The following GRM8 variants were observed in gnomAD, a reference collection of about 807,000 sequenced individuals.
GRM8 encodes glutamate metabotropic receptor 8.
In GRM8, 47 loss-of-function variants were observed where a neutral mutation model predicts 87.2. The ratio of observed to expected loss-of-function variants is 0.54; its 90% CI spans 0.43 to 0.69. The LOEUF (loss-of-function observed/expected upper bound fraction) is 0.69, where lower values mean the gene tolerates loss of function less well. Among genes scored for constraint, GRM8 ranks in the 30% least tolerant of loss-of-function variants. The pLI is 0.00. For synonymous variants in GRM8, 396 were observed against 404.5 expected (o/e 0.98, Z 0.25); for missense variants, 1,019 against 1,139.2 (o/e 0.89, Z 1.52).
chr7:126,909,185 A>C (rs1451175645), intron 3 of GRM8, among the ~76,000 whole-genome samples: 1 of 152,246 alleles, frequency 6.6e-6, no homozygotes, highest in Non-Finnish European at 1.5e-5. Context: ...GATACACCAC[A>C]GTTCAGTCAT....
chr7:126,522,668 T>C (rs1431426508), intron 9 of GRM8, among the ~76,000 whole-genome samples: 1 of 152,234 alleles, frequency 6.6e-6, no homozygotes, highest in Non-Finnish European at 1.5e-5. Flanking sequence ...AATGCCCAAC[T>C]TTCCCTTCTC....
At chr7:126,732,144 CAT>C (rs1813675694) in intron 7 of GRM8, among the ~76,000 whole-genome samples, 1 of 151,970 alleles carries the variant, frequency 6.6e-6, no homozygotes, top group African/African-American at 2.4e-5. Flanking sequence ...CCAGAACAAA[CAT>C]TATCATAATA....
chr7:126,855,810 A>G (rs1280342890), intron 6 of GRM8, among the ~76,000 whole-genome samples: 1 of 152,006 alleles, frequency 6.6e-6, no homozygotes. Context: ...CTTCCTTCCC[A>G]TGGAGAAAAT....
At chr7:126,603,776 G>A (rs990247150) in intron 8 of GRM8, among the ~76,000 whole-genome samples, 1 of 151,960 alleles carries the variant, frequency 6.6e-6, no homozygotes. Flanking sequence ...TGTATCATAG[G>A]AAAGAGCATT....
At chr7:126,683,028 G>A (rs560731333) in intron 7 of GRM8, among the ~76,000 whole-genome samples, 28 of 152,092 alleles carry the variant, frequency 1.8e-4, no homozygotes, top group East Asian at 5.8e-4. Flanking sequence ...CAGCCTGGGC[G>A]ACAGAGCAAG....
intron 3 of GRM8, chr7:127,090,879 C>G (rs1823994654): frequency 6.6e-6 from 1 of 152,320 alleles, no homozygotes; most frequent in Non-Finnish European, 1.5e-5. Context: ...CTACCTACTT[C>G]CTGATGTCCT....
intron 7 of GRM8, among the ~76,000 whole-genome samples, chr7:126,746,607 T>C (rs1165516706): frequency 6.6e-6 from 1 of 151,658 alleles, no homozygotes; most frequent in Non-Finnish European, 1.5e-5. Context: ...GAACATCAAA[T>C]TCCCTGGTTT....
chr7:127,122,359 T>C (rs984315853), intron 2 of GRM8, among the ~76,000 whole-genome samples: 2 of 152,158 alleles, frequency 1.3e-5, no homozygotes, highest in East Asian at 3.9e-4. Flanking sequence ...CTTAGATATA[T>C]GAAGACATTT....
At chr7:127,165,937 GCAACATGATC>G (rs1282458779) in intron 2 of GRM8, among the ~76,000 whole-genome samples, 1 of 152,150 alleles carries the variant, frequency 6.6e-6, no homozygotes, top group Non-Finnish European at 1.5e-5. Flanking sequence ...GAGAGTTGAA[GCAACATGATC>G]CAAGAGCTCT....
At chr7:126,748,602 G>GTTTTT (rs35336284) in intron 7 of GRM8, among the ~76,000 whole-genome samples, 3 of 118,774 alleles carry the variant, frequency 2.5e-5, no homozygotes, top group Admixed American at 8.8e-5. Flanking sequence ...AGCAGGTCGG[G>GTTTTT]TTTTTTTTTT....
At chr7:126,687,951 A>G (rs1808360448) in intron 7 of GRM8, among the ~76,000 whole-genome samples, 1 of 152,010 alleles carries the variant, frequency 6.6e-6, no homozygotes, top group Non-Finnish European at 1.5e-5. Flanking sequence ...TCAAATCACA[A>G]GCTCATTTTT....
At chr7:126,473,061 C>T (rs1805483359) in intron 9 of GRM8, among the ~76,000 whole-genome samples, 2 of 152,150 alleles carry the variant, frequency 1.3e-5, no homozygotes, top group African/African-American at 4.8e-5. Context: ...TCTGCTAAGG[C>T]AGTATGGAAG....
chr7:126,756,808 C>T (rs992672920), intron 7 of GRM8, among the ~76,000 whole-genome samples: 1 of 151,996 alleles, frequency 6.6e-6, no homozygotes, highest in Non-Finnish European at 1.5e-5. Flanking sequence ...AGAGAATGAA[C>T]CTCAACATAG....
At chr7:126,879,960 A>G (rs1163292722) in intron 6 of GRM8, among the ~76,000 whole-genome samples, 1 of 152,194 alleles carries the variant, frequency 6.6e-6, no homozygotes. Flanking sequence ...TTTAACAGAA[A>G]AACTGAAAAG....
At chr7:126,587,819 A>G (rs975109874) in intron 8 of GRM8, among the ~76,000 whole-genome samples, 5 of 152,156 alleles carry the variant, frequency 3.3e-5, no homozygotes, top group African/African-American at 9.6e-5. Context: ...AACTTAAAGT[A>G]TCATAAAAAA....
chr7:127,028,599 A>G (rs1270034914), intron 3 of GRM8, among the ~76,000 whole-genome samples: 1 of 152,156 alleles, frequency 6.6e-6, no homozygotes, highest in African/African-American at 2.4e-5. Flanking sequence ...GATTTCTTCT[A>G]GATTTTCTAG....
intron 9 of GRM8, among the ~76,000 whole-genome samples, chr7:126,463,295 C>T (rs1208512714): frequency 6.6e-6 from 1 of 151,528 alleles, no homozygotes; most frequent in Non-Finnish European, 1.5e-5. Context: ...AAATTGTATA[C>T]TCAGTGCATA....
At chr7:126,450,173 G>A (rs193112669) in intron 9 of GRM8, among the ~76,000 whole-genome samples, 7 of 151,920 alleles carry the variant, frequency 4.6e-5, no homozygotes, top group African/African-American at 1.2e-4. Flanking sequence ...GGAAGAGTGA[G>A]GAGGGAGGAG....
chr7:126,899,763 A>G (rs1261005373), intron 6 of GRM8, among the ~76,000 whole-genome samples: 4 of 149,778 alleles, frequency 2.7e-5, no homozygotes, highest in Non-Finnish European at 4.4e-5. Context: ...AAACATGCTT[A>G]AATGTGCCCT....
Sources: gnomAD v4.1 joint callset for allele counts (sites outside exome capture counted in the v4.1 genomes callset) on GRCh38, gnomAD v4.1.1 for gene constraint, MANE v1.5 for transcripts, NCBI Gene and HGNC (gene_info 2026-07-23, HGNC 2026-07-21) for gene names.